The following AP3D1 variants were observed in gnomAD, a reference collection of about 807,000 sequenced individuals.
AP3D1 encodes adaptor related protein complex 3 subunit delta 1.
AP3D1 carries 51 observed loss-of-function variants against 147.6 expected under a neutral mutation model. The ratio of observed to expected loss-of-function variants is 0.35; its 90% CI spans 0.28 to 0.44. AP3D1 has a LOEUF of 0.44. Ranked by LOEUF, AP3D1 falls within the 20% of genes least tolerant of loss-of-function variation. The pLI is 1.00. For synonymous variants in AP3D1, 760 were observed against 663.0 expected (o/e 1.15, Z -2.25); for missense variants, 1,421 against 1,624.2 (o/e 0.87, Z 2.15).
At chr19:2,135,025 C>G (rs1320483118) in intron 4 of AP3D1, among the ~76,000 whole-genome samples, 1 of 151,678 alleles carries the variant, frequency 6.6e-6, no homozygotes, top group Non-Finnish European at 1.5e-5. Context: ...ATGGTGAAAC[C>G]CTGTCTCTAT....
At chr19:2,106,011 C>T (rs927760286) in intron 31 of AP3D1, among the ~76,000 whole-genome samples, 5 of 151,628 alleles carry the variant, frequency 3.3e-5, no homozygotes, top group South Asian at 2.1e-4. Flanking sequence ...GCAGGAGAAT[C>T]GCTTGAACCC....
chr19:2,162,518 G>A (rs1318403076), intron 1 of AP3D1, among the ~76,000 whole-genome samples: 2 of 151,394 alleles, frequency 1.3e-5, no homozygotes, highest in African/African-American at 2.4e-5. Context: ...AAAATTAACC[G>A]GGCGTGGTGA....
chr19:2,158,292 G>A (rs2019665508), intron 1 of AP3D1, among the ~76,000 whole-genome samples: 1 of 151,588 alleles, frequency 6.6e-6, no homozygotes, highest in Non-Finnish European at 1.5e-5. Flanking sequence ...TCCTGACCTT[G>A]TGATCCGCCC....
At position 2,129,388 on chromosome 19, in the gene AP3D1, A is replaced by G; in HGVS notation, c.662T>C (p.Leu221Pro). 6.2e-7 allele frequency: 1 copy of G among 1,614,142 alleles called. No homozygotes were observed. Among genetic ancestry groups the G allele is most frequent in the Non-Finnish European group, 8.5e-7 (1 of 1,180,010 alleles). The change falls in exon 7 of 32, where the codon CTG becomes CCG. Residue 221 changes from leucine to proline, a missense_variant. Leu to Pro is a moderately conservative substitution (Grantham distance 98, BLOSUM62 -3). This residue lies in a region of AP3D1 where 292 missense variants were observed against 412.0 expected (regional missense o/e 0.71). Coordinates refer to ENST00000643116, the MANE Select transcript of AP3D1 (RefSeq NM_001261826.3). ...ARRNPKNYLS[L>P]APLFFKLMTS... ...CATCAGCTTGAAAAAGAGCGGGGCC[A>G]GGGACAGGTAGTTCTTAGGGTTGCG... is the stretch of plus-strand genomic sequence containing the variant.
At chr19:2,125,108 C>A (rs528354977) in intron 9 of AP3D1, among the ~76,000 whole-genome samples, 76 of 152,220 alleles carry the variant, frequency 5.0e-4, no homozygotes, top group African/African-American at 1.7e-3. Flanking sequence ...TAACCAAATA[C>A]CACCAAATGC....
chr19:2,132,649 A>C, intron 4 of AP3D1, 71 bp from the exon 5 acceptor site: 1 of 1,346,910 alleles, frequency 7.4e-7, no homozygotes, highest in Non-Finnish European at 1.1e-6. Context: ...GGTCACCAGG[A>C]GCAGCAGGAG....
At chr19:2,157,441 C>A (rs1303913728) in intron 1 of AP3D1, among the ~76,000 whole-genome samples, 103 of 101,098 alleles carry the variant, frequency 1.0e-3, no homozygotes, top group South Asian at 2.6e-3. Flanking sequence ...GACTCCGTCT[C>A]AAAAAAAAAA....
At chr19:2,164,186 T>G in intron 1 of AP3D1, 4 of 1,126,324 alleles carry the variant, frequency 3.6e-6, no homozygotes, top group Admixed American at 4.8e-5. Flanking sequence ...CGCGCGGACA[T>G]GGGGGAGAAG....
intron 1 of AP3D1, among the ~76,000 whole-genome samples, chr19:2,147,863 G>A (rs1195487679): frequency 2.0e-5 from 3 of 147,422 alleles, no homozygotes; most frequent in Non-Finnish European, 4.5e-5. Flanking sequence ...CCAGCCTGGC[G>A]ACAGAGCGAG....
At chr19:2,158,706 C>T (rs529760765) in intron 1 of AP3D1, among the ~76,000 whole-genome samples, 14 of 151,592 alleles carry the variant, frequency 9.2e-5, no homozygotes, top group African/African-American at 2.2e-4. Context: ...CAGGTTCAAA[C>T]GATTCTCTTG....
At chr19:2,159,231 T>A (rs1475079195) in intron 1 of AP3D1, among the ~76,000 whole-genome samples, 2 of 151,272 alleles carry the variant, frequency 1.3e-5, no homozygotes, top group African/African-American at 2.4e-5. Context: ...CTTTTTTTTT[T>A]TTTTTGAGAC....
intron 1 of AP3D1, among the ~76,000 whole-genome samples, chr19:2,148,146 C>CAAAA (rs5826756): frequency 3.1e-5 from 3 of 98,140 alleles, no homozygotes; most frequent in African/African-American, 8.4e-5. Context: ...GACTCCGTCT[C>CAAAA]AAAAAAAAAA....
At chr19:2,137,138 T>G (rs2019098432) in intron 3 of AP3D1, 47 bp from the exon 4 acceptor site, 1 of 1,479,264 alleles carries the variant, frequency 6.8e-7, no homozygotes, top group Admixed American at 2.0e-5. Flanking sequence ...ACCCGCAGCC[T>G]CCAGGAGCTC....
Position 2,137,107 on chromosome 19 carries a change from T to C in AP3D1, c.274-16A>G. On this transcript the variant is annotated splice_polypyrimidine_tract_variant and intron_variant, in intron 3 of 31. Coordinates refer to ENST00000643116, the MANE Select transcript of AP3D1 (RefSeq NM_001261826.3). ...AGCCAATTCGCTGGGAGAGAACAGA[T>C]GAGCACATCAGAGGCAGGACACCCG... The C allele has an allele frequency of 1.3e-6, 2 of 1,571,348 alleles. No homozygotes were observed. Among genetic ancestry groups the C allele is most frequent in the Non-Finnish European group, 1.7e-6 (2 of 1,158,522 alleles).
In AP3D1 at chr19:2,109,458, C is replaced by T. The variant is rs549386519; in HGVS notation, c.3351-251G>A. On this transcript the variant is annotated intron_variant, in intron 29 of 31. Transcript: ENST00000643116. Reference sequence around the variant, plus strand: ...TGAAGCCATGGGATGGGCCCTCCTCCGACAAGGACGGATGTCCTGTAGGAA... The same window carrying T: ...TGAAGCCATGGGATGGGCCCTCCTCTGACAAGGACGGATGTCCTGTAGGAA... The T allele has an allele frequency of 8.1e-5, 42 of 516,216 alleles. 1 individual carries two copies. The Admixed American group carries it at 9.0e-4, about 11-fold the overall frequency. 32.0% of individuals were successfully genotyped at this position (516,216 alleles called of 1,614,324 possible).
intron 1 of AP3D1, among the ~76,000 whole-genome samples, chr19:2,156,888 A>G (rs2019649587): frequency 7.2e-6 from 1 of 139,374 alleles, no homozygotes; most frequent in Non-Finnish European, 1.6e-5. Context: ...CAAAAAACAA[A>G]CAGCCACCCA....
At chr19:2,152,926 T>A (rs1031086529), upstream of AP3D1, among the ~76,000 whole-genome samples, 1 of 151,778 alleles carries the variant, frequency 6.6e-6, no homozygotes, top group African/African-American at 2.4e-5. Context: ...TTACAATACA[T>A]ATATCTGACA....
chr19:2,114,084 A>C (rs758069074), intron 22 of AP3D1, 41 bp downstream of exon 22: 27 of 1,535,860 alleles, frequency 1.8e-5, no homozygotes, highest in Middle Eastern at 1.7e-4. Flanking sequence ...ACGGCAAGGG[A>C]GGGGAATGGA....
At chr19:2,152,790 C>T (rs980184721), upstream of AP3D1, among the ~76,000 whole-genome samples, 1 of 151,158 alleles carries the variant, frequency 6.6e-6, no homozygotes, top group African/African-American at 2.4e-5. Context: ...GCAGAAGAAT[C>T]TCTTGAACCC....
Sources: allele counts gnomAD v4.1 joint callset (sites outside exome capture counted in the v4.1 genomes callset), GRCh38; gene constraint gnomAD v4.1.1; regional missense constraint gnomAD v4.1.1; transcripts MANE v1.5; gene names NCBI Gene and HGNC (gene_info 2026-07-23, HGNC 2026-07-21).